RBMS3: variants seen among roughly 807,000 people sequenced by gnomAD.
RBMS3 encodes the protein RNA-binding motif, single-stranded-interacting protein 3.
A neutral mutation model predicts 66.8 loss-of-function variants in RBMS3; 27 were observed. The ratio of observed to expected loss-of-function variants is 0.40; its 90% CI spans 0.30 to 0.56. RBMS3 has a LOEUF of 0.56. Ranked by LOEUF, RBMS3 falls within the 20% of genes least tolerant of loss-of-function variation. The pLI, the probability that RBMS3 is intolerant of heterozygous loss-of-function variation, is 0.40. For missense variants in RBMS3, 513 were observed against 549.5 expected (o/e 0.93, Z 0.66); for synonymous variants, 188 against 183.0 (o/e 1.03, Z -0.22).
intron 6 of RBMS3, among the ~76,000 whole-genome samples, chr3:29,861,641 CA>C (rs2149535690): frequency 6.6e-6 from 1 of 152,264 alleles, no homozygotes; most frequent in African/African-American, 2.4e-5. Context: ...AATCAAAATA[CA>C]TTCTCATACC....
intron 1 of RBMS3, among the ~76,000 whole-genome samples, chr3:29,392,481 G>C (rs756024340): frequency 4.6e-5 from 7 of 152,038 alleles, no homozygotes; most frequent in Non-Finnish European, 1.0e-4. Context: ...GAATATAGGA[G>C]TCATTCAGTA....
At chr3:29,683,609 C>T (rs149333813) in intron 4 of RBMS3, among the ~76,000 whole-genome samples, 15 of 152,216 alleles carry the variant, frequency 9.9e-5, no homozygotes, top group Middle Eastern at 3.4e-3. Context: ...CACACACAAA[C>T]ACACCACCTC....
intron 5 of RBMS3, among the ~76,000 whole-genome samples, chr3:29,744,741 A>T (rs1461559685): frequency 6.6e-6 from 1 of 150,426 alleles, no homozygotes; most frequent in Non-Finnish European, 1.5e-5. Context: ...CTGAGATCAC[A>T]CCATTGCACT....
chr3:29,494,817 T>A (rs534951976), intron 3 of RBMS3, among the ~76,000 whole-genome samples: 7 of 152,282 alleles, frequency 4.6e-5, no homozygotes, highest in African/African-American at 1.7e-4. Context: ...CCATCATATT[T>A]CCGACAGGCT....
intron 5 of RBMS3, among the ~76,000 whole-genome samples, chr3:29,752,908 A>C (rs1368872704): frequency 6.6e-6 from 1 of 152,212 alleles, no homozygotes; most frequent in Non-Finnish European, 1.5e-5. Flanking sequence ...AAATATCTTA[A>C]ACAAAAGTAA....
chr3:29,470,862 C>CTAA (rs10648075), intron 2 of RBMS3, among the ~76,000 whole-genome samples: 52,222 of 151,746 alleles, frequency 0.34, 9,175 homozygotes, highest in East Asian at 0.46. Context: ...AATTTAATAA[C>CTAA]TAATAACTAC....
chr3:29,802,449 C>T (rs925590554), intron 6 of RBMS3, among the ~76,000 whole-genome samples: 12 of 151,922 alleles, frequency 7.9e-5, no homozygotes, highest in Non-Finnish European at 1.5e-4. Flanking sequence ...AAAATATGCC[C>T]GATTATTTGA....
At chr3:29,398,356 G>C (rs1426973991) in intron 1 of RBMS3, among the ~76,000 whole-genome samples, 1 of 152,172 alleles carries the variant, frequency 6.6e-6, no homozygotes, top group Non-Finnish European at 1.5e-5. Flanking sequence ...TACAATTTGT[G>C]TGAAGGAGCT....
intron 11 of RBMS3, among the ~76,000 whole-genome samples, chr3:29,942,536 A>G (rs939792929): frequency 1.3e-5 from 2 of 151,410 alleles, no homozygotes; most frequent in Non-Finnish European, 2.9e-5. Flanking sequence ...AGAAAGAGAG[A>G]GAAAGAGAAA....
chr3:29,715,951 A>G (rs1210872796), intron 4 of RBMS3, among the ~76,000 whole-genome samples: 1 of 152,022 alleles, frequency 6.6e-6, no homozygotes, highest in Non-Finnish European at 1.5e-5. Context: ...CTGCCATATT[A>G]TTTCTGGGAA....
At chr3:29,430,145 A>G (rs1210124622) in intron 1 of RBMS3, among the ~76,000 whole-genome samples, 3 of 152,282 alleles carry the variant, frequency 2.0e-5, no homozygotes, top group East Asian at 3.9e-4. Context: ...GAAGGAATTT[A>G]TAATTCTTAA....
At chr3:29,674,883 C>G (rs2051173721) in intron 4 of RBMS3, among the ~76,000 whole-genome samples, 1 of 152,032 alleles carries the variant, frequency 6.6e-6, no homozygotes, top group Non-Finnish European at 1.5e-5. Flanking sequence ...TTACTTTCTT[C>G]ACAGAATTGG....
rs143953148 is a variant in RBMS3, at chr3:29,444,775, C to T, written c.248+9860C>T. Reference sequence around the variant, plus strand: ...TTCATCACTCAACAATTCTTTCAAGCGGAAATATATGCCTTTTTTTTTTTT... The same window carrying T: ...TTCATCACTCAACAATTCTTTCAAGTGGAAATATATGCCTTTTTTTTTTTT... On this transcript the variant is annotated intron_variant, in intron 2 of 14. Transcript: ENST00000383767. Among the ~76,000 whole-genome samples the T allele has an allele frequency of 6.5e-3, 504 of 77,218 alleles. 4 individuals carry two copies. The highest frequency in any genetic ancestry group is 0.018 in the African/African-American group (457 of 25,196). The allele number at this position is 77,218 out of a possible 152,430, so 50.7% of individuals were successfully genotyped here. A position where few individuals can be genotyped will look rare whatever the true frequency, so the allele number is the denominator to read the frequency against.
At chr3:29,338,106 T>C (rs1262251538) in intron 1 of RBMS3, among the ~76,000 whole-genome samples, 1 of 152,090 alleles carries the variant, frequency 6.6e-6, no homozygotes, top group African/African-American at 2.4e-5. Context: ...GGGAACAAAA[T>C]ATGCATGCCA....
At chr3:29,372,607 T>C (rs2038263205) in intron 1 of RBMS3, among the ~76,000 whole-genome samples, 1 of 152,212 alleles carries the variant, frequency 6.6e-6, no homozygotes, top group Non-Finnish European at 1.5e-5. Context: ...CTTGATTTTT[T>C]AAATTGCACT....
intron 1 of RBMS3, among the ~76,000 whole-genome samples, chr3:29,324,661 A>T (rs2035210582): frequency 6.8e-6 from 1 of 146,606 alleles, no homozygotes; most frequent in Non-Finnish European, 1.5e-5. Context: ...CCCTTCCATT[A>T]AGCCCTTACA....
chr3:29,369,335 G>A (rs1186431543), intron 1 of RBMS3, among the ~76,000 whole-genome samples: 3 of 151,828 alleles, frequency 2.0e-5, no homozygotes, highest in Non-Finnish European at 4.4e-5. Flanking sequence ...TCTCACAAAT[G>A]TTTATATTAG....
At chr3:29,775,176 T>G (rs2056380704) in intron 6 of RBMS3, among the ~76,000 whole-genome samples, 1 of 151,894 alleles carries the variant, frequency 6.6e-6, no homozygotes, top group South Asian at 2.1e-4. Flanking sequence ...ACGTATGTTC[T>G]AGGAAGCTAG....
rs558839351 is a variant in RBMS3 at position 29,444,788 on chromosome 3, CTTTTTTTT to C, written c.248+9890_248+9897del. Reference sequence around the variant, plus strand: ...AATTCTTTCAAGCGGAAATATATGCCTTTTTTTTTTTTTTTTTTTTTTTTGCTCCATCT... The same window carrying C: ...AATTCTTTCAAGCGGAAATATATGCCTTTTTTTTTTTTTTTTGCTCCATCT... On this transcript the variant is annotated intron_variant, in intron 2 of 14. Transcript: ENST00000383767. Among the ~76,000 whole-genome samples the C allele has an allele frequency of 2.8e-4, 14 of 50,500 alleles. 1 individual carries two copies. Among genetic ancestry groups the C allele is most frequent in the African/African-American group, 6.7e-4 (11 of 16,418 alleles). 33.1% of individuals were successfully genotyped at this position (50,500 alleles called of 152,430 possible). A position where few individuals can be genotyped will look rare whatever the true frequency, so the allele number is the denominator to read the frequency against.
Sources: gnomAD v4.1 joint callset for allele counts (sites outside exome capture counted in the v4.1 genomes callset) on GRCh38, gnomAD v4.1.1 for gene constraint, MANE v1.5 for transcripts, NCBI Gene and HGNC (gene_info 2026-07-23, HGNC 2026-07-21) for gene names.